ARL3: variants seen among roughly 807,000 people sequenced by gnomAD.
ARL3 encodes ARF like GTPase 3.
In ARL3, 9 loss-of-function variants were observed where a neutral mutation model predicts 26.0. That is an observed-to-expected ratio of 0.35 (90% CI 0.21 to 0.60). The LOEUF (loss-of-function observed/expected upper bound fraction) is 0.60. Ranked by LOEUF, ARL3 falls within the 20% of genes least tolerant of loss-of-function variation. The pLI, the probability that ARL3 is intolerant of heterozygous loss-of-function variation, is 0.78. For missense variants in ARL3, 158 were observed against 215.7 expected (o/e 0.73, Z 1.67); for synonymous variants, 71 against 78.4 (o/e 0.91, Z 0.50).
rs112607003 is a variant in ARL3, at chr10:102,689,541, A to G, written c.315+352T>C. 4.6e-5 allele frequency among the ~76,000 whole-genome samples: 7 copies of G among 151,900 alleles called. 1 individual carries two copies. Among genetic ancestry groups the G allele is most frequent in the African/African-American group, 1.7e-4 (7 of 41,426 alleles). On this transcript the variant is annotated intron_variant, in intron 4 of 5. Coordinates refer to ENST00000260746, the MANE Select transcript of ARL3 (RefSeq NM_004311.4). ...TCAACAGAAGAATTAGTATTTAAAA[A>G]ATATACTAGGCTGGGCGTGGTGGCT... is the stretch of plus-strand genomic sequence containing the variant.
intron 1 of ARL3, among the ~76,000 whole-genome samples, chr10:102,711,414 A>G (rs2064339755): frequency 6.6e-6 from 1 of 151,596 alleles, no homozygotes; most frequent in Non-Finnish European, 1.5e-5. Flanking sequence ...GTGTTTTTAT[A>G]TATATATATG....
intron 3 of ARL3, among the ~76,000 whole-genome samples, chr10:102,692,263 T>C (rs2064222097): frequency 6.6e-6 from 1 of 152,238 alleles, no homozygotes; most frequent in Non-Finnish European, 1.5e-5. Flanking sequence ...ATCATTAATG[T>C]CTTTATATAC....
intron 2 of ARL3, among the ~76,000 whole-genome samples, chr10:102,700,093 G>A: frequency 6.6e-6 from 1 of 152,154 alleles, no homozygotes; most frequent in East Asian, 1.9e-4. Flanking sequence ...AGACACTGAT[G>A]GAAACAAACA....
At chr10:102,707,387 T>C (rs568152528) in intron 1 of ARL3, among the ~76,000 whole-genome samples, 30 of 152,010 alleles carry the variant, frequency 2.0e-4, no homozygotes, top group African/African-American at 7.0e-4. Flanking sequence ...AGAACATCTT[T>C]ATAGGAAAGT....
intron 3 of ARL3, among the ~76,000 whole-genome samples, chr10:102,692,411 G>A (rs941122289): frequency 6.6e-6 from 1 of 152,166 alleles, no homozygotes; most frequent in Non-Finnish European, 1.5e-5. Flanking sequence ...TTTGAAACAT[G>A]TATACACTTT....
In ARL3 at chr10:102,714,255, C is replaced by G. The variant is rs372247099; in HGVS notation, c.3+18G>C. The G allele has an allele frequency of 2.3e-6, 3 of 1,313,460 alleles. No homozygotes were observed. Among genetic ancestry groups the G allele is most frequent in the African/African-American group, 3.0e-5 (2 of 66,408 alleles). 81.4% of individuals were successfully genotyped at this position (1,313,460 alleles called of 1,614,324 possible). ...GATAACCGGCCGGCTCCAAGGGGGC[C>G]CAGGCCCCCACACTCACCATCCTCC... On this transcript the variant is annotated intron_variant, in intron 1 of 5. Coordinates refer to ENST00000260746, the MANE Select transcript of ARL3 (RefSeq NM_004311.4).
At chr10:102,714,166 G>T in intron 1 of ARL3, 107 bp downstream of exon 1, 2 of 1,241,072 alleles carry the variant, frequency 1.6e-6, no homozygotes, top group Admixed American at 3.1e-5. Context: ...CAGGCTGAGC[G>T]ACGTCCCATT....
chr10:102,685,694 C>T, intron 5 of ARL3, 122 bp downstream of exon 5: 2 of 1,108,392 alleles, frequency 1.8e-6, no homozygotes, highest in East Asian at 2.5e-5. Context: ...GAACCAAATT[C>T]CTCCATGCCC....
chr10:102,712,306 A>G (rs972142389), intron 1 of ARL3, among the ~76,000 whole-genome samples: 7 of 152,320 alleles, frequency 4.6e-5, no homozygotes, highest in Admixed American at 2.0e-4. Context: ...ATGGGGGCTC[A>G]TGGGATACCA....
At chr10:102,695,843 T>A (rs947185814) in intron 3 of ARL3, among the ~76,000 whole-genome samples, 2 of 152,000 alleles carry the variant, frequency 1.3e-5, no homozygotes, top group Non-Finnish European at 2.9e-5. Flanking sequence ...TAATTATTTT[T>A]ATTTTTTTGT....
chr10:102,697,457 G>A (rs533496314), intron 3 of ARL3, among the ~76,000 whole-genome samples: 34 of 152,288 alleles, frequency 2.2e-4, no homozygotes, highest in African/African-American at 6.5e-4. Flanking sequence ...GATTACAGGC[G>A]TGAGCCGCTG....
chr10:102,714,374 A>G lies in ARL3; in HGVS notation c.-99T>C. On this transcript the variant is annotated 5_prime_UTR_variant, in exon 1 of 6. Transcript: ENST00000260746. Reference sequence around the variant, plus strand: ...CGCCCCCGACGTCCCTCGCACGCACAGCTGAGGAGCTGAGCAGCAATACGG... The same window carrying G: ...CGCCCCCGACGTCCCTCGCACGCACGGCTGAGGAGCTGAGCAGCAATACGG... The G allele has an allele frequency of 3.4e-6, 4 of 1,183,198 alleles. No homozygotes were observed. Among genetic ancestry groups the G allele is most frequent in the Non-Finnish European group, 4.3e-6 (4 of 925,302 alleles). The allele number at this position is 1,183,198 out of a possible 1,614,324, so 73.3% of individuals were successfully genotyped here.
chr10:102,696,107 G>A (rs1213279616), intron 3 of ARL3, among the ~76,000 whole-genome samples: 1 of 151,802 alleles, frequency 6.6e-6, no homozygotes, highest in East Asian at 1.9e-4. Context: ...AGGACTACAG[G>A]CGCCCGCCAC....
Position 102,685,889 on chromosome 10 carries a change from A to G in ARL3, c.428T>C (p.Leu143Pro), listed in dbSNP as rs1225150320. The change falls in exon 5 of 6, where the codon CTG (leucine) becomes CCG (proline). Residue 143 changes from leucine (L) to proline (P), a missense_variant. Physicochemically the swap from Leu to Pro is moderately conservative, Grantham distance 98 (BLOSUM62 -3). Coordinates refer to ENST00000260746, the MANE Select transcript of ARL3 (RefSeq NM_004311.4). ...TCGGTCGCGGATGGTATGCAGGTTC[A>G]GTCCTTCTGCAATTTCAGAGGCAGG... The part of the protein sequence containing the change: ...AAPASEIAEG[L>P]NLHTIRDRVW... 1 of 1,614,214 alleles carries G rather than the reference A, an allele frequency of 6.2e-7. No homozygotes were observed. Among genetic ancestry groups the G allele is most frequent in the East Asian group, 2.2e-5 (1 of 44,886 alleles).
Position 102,691,368 on chromosome 10 carries a change from C to T in ARL3, c.265-1425G>A, listed in dbSNP as rs577420722. Among the ~76,000 whole-genome samples the T allele has an allele frequency of 4.1e-4, 60 of 146,760 alleles. 1 individual carries two copies. The highest frequency in any genetic ancestry group is 1.5e-3 in the African/African-American group (60 of 39,778). On this transcript the variant is annotated intron_variant, in intron 3 of 5. Transcript: ENST00000260746. ...ATTCCCACCTATGAGTGAGAATATG[C>T]GGTGTTTGGTTTTTTGTTCTTGCGA...
At chr10:102,686,071 C>CAT in intron 4 of ARL3, 70 bp from the exon 5 acceptor site, 2 of 875,394 alleles carry the variant, frequency 2.3e-6, no homozygotes, top group Non-Finnish European at 3.3e-6. Context: ...CCATACACTA[C>CAT]TTTTTTTTTT....
Position 102,699,390 on chromosome 10 carries a change from C to T in ARL3, c.247G>A (p.Glu83Lys). The T allele has an allele frequency of 6.2e-7, 1 of 1,602,122 alleles. No individual in the cohort carries two copies. Residue 83 changes from glutamate to lysine, a missense_variant, in exon 3 of 6, where the codon GAA becomes AAA. Physicochemically the swap from Glu to Lys is moderately conservative, Grantham distance 56. Transcript: ENST00000260746. ...KIRPYWKNYFENTDILIYVID... is the reference protein window; with the variant it reads ...KIRPYWKNYFKNTDILIYVID... ...GTACTTACAAGAATATCGGTATTTT[C>T]AAAATAATTCTTCCAGTATGGTCTG...
chr10:102,695,420 C>T (rs866407102), intron 3 of ARL3, among the ~76,000 whole-genome samples: 1 of 152,314 alleles, frequency 6.6e-6, no homozygotes, highest in Non-Finnish European at 1.5e-5. Flanking sequence ...CAATTGTTCA[C>T]TGCTGATATA....
chr10:102,694,088 C>G (rs573786880), intron 3 of ARL3, among the ~76,000 whole-genome samples: 23 of 152,124 alleles, frequency 1.5e-4, no homozygotes, highest in Non-Finnish European at 3.2e-4. Context: ...CCCACGTTCA[C>G]GCCATTCTCC....
Sources: allele counts gnomAD v4.1 joint callset (sites outside exome capture counted in the v4.1 genomes callset), GRCh38; gene constraint gnomAD v4.1.1; transcripts MANE v1.5; gene names NCBI Gene and HGNC (gene_info 2026-07-23, HGNC 2026-07-21).